Variants in NOTUM observed in about 807,000 individuals in gnomAD.
NOTUM encodes the protein notum, palmitoleoyl-protein carboxylesterase, also known as palmitoleoyl-protein carboxylesterase NOTUM.
NOTUM carries 36 observed loss-of-function variants against 65.5 expected under a neutral mutation model. That is an observed-to-expected ratio of 0.55 (90% CI 0.42 to 0.73). The LOEUF is 0.73. NOTUM is among the 30% of genes least tolerant of loss of function. The pLI is 0.00. For missense variants in NOTUM, 659 were observed against 694.2 expected (o/e 0.95, Z 0.57); for synonymous variants, 356 against 297.9 (o/e 1.20, Z -2.01).
At chr17:81,955,349 TAAG>T in intron 9 of NOTUM, 45 bp downstream of exon 9, 1 of 1,467,044 alleles carries the variant, frequency 6.8e-7, no homozygotes, top group Non-Finnish European at 9.2e-7. Context: ...TATTTTTAAA[TAAG>T]GAGGGAGCTA....
chr17:81,957,159 CGAGG>C, intron 6 of NOTUM, 85 bp from the exon 7 acceptor site: 6 of 1,176,710 alleles, frequency 5.1e-6, no homozygotes, highest in Non-Finnish European at 7.2e-6. Context: ...GCCCGTGCCC[CGAGG>C]GGGGCAGGAG....
chr17:81,959,604 A>ACCCCCGGCCTCCCCCCG, intron 2 of NOTUM, 36 bp downstream of exon 2: 3 of 1,543,178 alleles, frequency 1.9e-6, no homozygotes, highest in Non-Finnish European at 2.6e-6. Flanking sequence ...GCGCGCACAG[A>ACCCCCGGCCTCCCCCCG]CCCCCGGCCT....
Position 81,960,999 on chromosome 17 carries a change from T to C in NOTUM, c.-90A>G, listed in dbSNP as rs2041473275. On this transcript the variant is annotated 5_prime_UTR_variant, in exon 1 of 11. Coordinates refer to ENST00000409678, the MANE Select transcript of NOTUM (RefSeq NM_178493.6). The surrounding 1 kb of genome is among the most constrained non-coding windows in gnomAD (Gnocchi z 6.4). ...GGCCGGGGGTGCCGGGCCGGGGGTGTCGGGGGCACTGGCCGCTCCTGCTCC... is the reference window on the plus strand; with the variant it reads ...GGCCGGGGGTGCCGGGCCGGGGGTGCCGGGGGCACTGGCCGCTCCTGCTCC... 1.3e-5 allele frequency: 8 copies of C among 600,582 alleles called. No individual in the cohort carries two copies. The highest frequency in any genetic ancestry group is 1.6e-5 in the Non-Finnish European group (7 of 444,980). The allele number at this position is 600,582 out of a possible 1,614,324, so 37.2% of individuals were successfully genotyped here.
chr17:81,960,424 C>T lies in NOTUM; in HGVS notation c.323+163G>A, dbSNP rs1405531528. On this transcript the variant is annotated intron_variant, in intron 1 of 10. Coordinates refer to ENST00000409678, the MANE Select transcript of NOTUM (RefSeq NM_178493.6). The surrounding 1 kb of genome is among the most constrained non-coding windows in gnomAD (Gnocchi z 6.4). ...CCTTCCAGCGCCGCTCCGCTCCCCACGCGGAGAGTCACCGAACCGGGCACT... is the reference window on the plus strand; with the variant it reads ...CCTTCCAGCGCCGCTCCGCTCCCCATGCGGAGAGTCACCGAACCGGGCACT... 6.6e-6 allele frequency among the ~76,000 whole-genome samples: 1 copy of T among 152,202 alleles called. No homozygotes were observed. The highest frequency in any genetic ancestry group is 6.5e-5 in the Admixed American group (1 of 15,288).
intron 6 of NOTUM, among the ~76,000 whole-genome samples, chr17:81,957,479 G>C (rs958085454): frequency 6.6e-6 from 1 of 152,114 alleles, no homozygotes; most frequent in Non-Finnish European, 1.5e-5. Flanking sequence ...CCGGGCCCTG[G>C]AGAAGGAGCA....
At position 81,952,843 on chromosome 17, in the gene NOTUM, G is replaced by C. The variant is rs572292020; in HGVS notation, c.*118C>G. 1 of 889,246 alleles carries C rather than the reference G, an allele frequency of 1.1e-6. No homozygotes were observed. Among genetic ancestry groups the C allele is most frequent in the African/African-American group, 1.6e-5 (1 of 60,788 alleles). The allele number at this position is 889,246 out of a possible 1,614,324, so 55.1% of individuals were successfully genotyped here. On this transcript the variant is annotated 3_prime_UTR_variant, in exon 11 of 11. Transcript: ENST00000409678. ...GGGCAGTGGGCAGACCCAGACAGGGGGGACGGCTGGGGCCCTGTCCCGAAG... is the reference window on the plus strand; with the variant it reads ...GGGCAGTGGGCAGACCCAGACAGGGCGGACGGCTGGGGCCCTGTCCCGAAG...
intron 4 of NOTUM, 140 bp downstream of exon 4, chr17:81,958,795 G>C: frequency 3.0e-6 from 2 of 675,356 alleles, no homozygotes; most frequent in Non-Finnish European, 5.3e-6. Flanking sequence ...ACCCCTCTAG[G>C]ACAGGACCTC....
chr17:81,958,482 A>G, intron 4 of NOTUM, 89 bp from the exon 5 acceptor site: 1 of 860,656 alleles, frequency 1.2e-6, no homozygotes, highest in Non-Finnish European at 2.0e-6. Flanking sequence ...CTCAGAAAAG[A>G]CCATCCCAGG....
chr17:81,955,832 T>C (rs1229798065), intron 8 of NOTUM, among the ~76,000 whole-genome samples: 15 of 32,712 alleles, frequency 4.6e-4, no homozygotes, highest in East Asian at 1.6e-3. Context: ...GTGCCCCCCA[T>C]CCCAGGCTCA....
rs573367274 is a variant in NOTUM, at chr17:81,960,032, G to T, written c.324-340C>A. Among the ~76,000 whole-genome samples the T allele has an allele frequency of 6.6e-6, 1 of 152,088 alleles. No individual in the cohort carries two copies. Among genetic ancestry groups the T allele is most frequent in the African/African-American group, 2.4e-5 (1 of 41,526 alleles). The stretch of plus-strand genomic sequence containing the variant: ...AAACGCGTCCGCACTGAAGGAGCGC[G>T]CTTGGCGGGGGAACGGGACGCCGCG... On this transcript the variant is annotated intron_variant, in intron 1 of 10. Coordinates refer to ENST00000409678, the MANE Select transcript of NOTUM (RefSeq NM_178493.6). The surrounding 1 kb of genome is among the most constrained non-coding windows in gnomAD (Gnocchi z 6.4).
At position 81,958,975 on chromosome 17, in the gene NOTUM, G is replaced by C. The variant is rs1461875606; in HGVS notation, c.493C>G (p.Gln165Glu). The C allele has an allele frequency of 1.2e-6, 2 of 1,613,092 alleles. No homozygotes were observed. The highest frequency in any genetic ancestry group is 3.3e-5 in the Admixed American group (2 of 60,024). The change falls in exon 4 of 11, where the codon CAG becomes GAG. Residue 165 changes from glutamine to glutamate, a missense_variant. Transcript: ENST00000409678. ...CACCAGTAGGGGTTCTCCTCCGGCT[G>C]TGAGGACAGGATCCCTGTGCCTGGG... ...TRTGTGILSSQPEENPYWWNA... is the reference protein window; with the variant it reads ...TRTGTGILSSEPEENPYWWNA...
In NOTUM at chr17:81,960,390, G is replaced by A. The variant is rs1307838126; in HGVS notation, c.323+197C>T. 6.6e-6 allele frequency among the ~76,000 whole-genome samples: 1 copy of A among 152,198 alleles called. No individual in the cohort carries two copies. The highest frequency in any genetic ancestry group is 2.4e-5 in the African/African-American group (1 of 41,466). On this transcript the variant is annotated intron_variant, in intron 1 of 10. Coordinates refer to ENST00000409678, the MANE Select transcript of NOTUM (RefSeq NM_178493.6). This position sits in a 1 kb window ranked among gnomAD's most constrained non-coding sequence, Gnocchi z 6.4. ...GAGGGGTCAGTGCCCGAGCTGGCCG[G>A]GGACCAGCCCTTCCAGCGCCGCTCC... is the stretch of plus-strand genomic sequence containing the variant.
Position 81,960,808 on chromosome 17 carries a change from A to C in NOTUM, c.102T>G (p.Pro34=), listed in dbSNP as rs770019854. 4.2e-5 allele frequency: 64 copies of C among 1,540,554 alleles called. No homozygotes were observed. The highest frequency in any genetic ancestry group is 5.3e-5 in the Non-Finnish European group (61 of 1,144,970). Residue 34 remains proline, a synonymous_variant, in exon 1 of 11, where the codon CCT becomes CCG. Coordinates refer to ENST00000409678, the MANE Select transcript of NOTUM (RefSeq NM_178493.6). This position sits in a 1 kb window ranked among gnomAD's most constrained non-coding sequence, Gnocchi z 6.4. Reference sequence around the variant, plus strand: ...GCGCCGCCTCGGTCCGCGGGGGAGGAGGCGGCTGCTGACCCCGGCGCCGCC... The same window carrying C: ...GCGCCGCCTCGGTCCGCGGGGGAGGCGGCGGCTGCTGACCCCGGCGCCGCC... ...KTWRRRGQQP[P]PPPRTEAAPA...
Position 81,954,236 on chromosome 17 carries a change from C to A in NOTUM, c.1184+20G>T. The A allele has an allele frequency of 6.3e-7, 1 of 1,592,270 alleles. No homozygotes were observed. Among genetic ancestry groups the A allele is most frequent in the Non-Finnish European group, 8.6e-7 (1 of 1,160,110 alleles). On this transcript the variant is annotated intron_variant, in intron 10 of 10. Coordinates refer to ENST00000409678, the MANE Select transcript of NOTUM (RefSeq NM_178493.6). ...AAGTTGATGTCATGGACGCAAGCTG[C>A]CCGGAGCAGGGACACTGACCTCCGG... is the stretch of plus-strand genomic sequence containing the variant.
chr17:81,960,016 C>A lies in NOTUM; in HGVS notation c.324-324G>T, dbSNP rs928920138. 2.0e-5 allele frequency among the ~76,000 whole-genome samples: 3 copies of A among 151,956 alleles called. No homozygotes were observed. Among genetic ancestry groups the A allele is most frequent in the Non-Finnish European group, 2.9e-5 (2 of 67,950 alleles). On this transcript the variant is annotated intron_variant, in intron 1 of 10. Coordinates refer to ENST00000409678, the MANE Select transcript of NOTUM (RefSeq NM_178493.6). This position sits in a 1 kb window ranked among gnomAD's most constrained non-coding sequence, Gnocchi z 6.4. The stretch of plus-strand genomic sequence containing the variant: ...CGGCGCTTGAAGCGTGAAACGCGTC[C>A]GCACTGAAGGAGCGCGCTTGGCGGG...
At chr17:81,959,387 G>C in intron 3 of NOTUM, 84 bp downstream of exon 3, 1 of 1,049,296 alleles carries the variant, frequency 9.5e-7, no homozygotes. Context: ...TGCGGGGTGG[G>C]GGCCTGGCTG....
In NOTUM at chr17:81,957,062, G is replaced by C; in HGVS notation, c.708C>G (p.Thr236=). Residue 236 remains threonine, a synonymous_variant, in exon 7 of 11, where the codon ACC becomes ACG. Transcript: ENST00000409678. ...CACGGTCCACATTCAGGAGCACCCC[G>C]GTGCCCCCCGCGCTGCAAGGAGGGC... ...LLLAGSSAGG[T]GVLLNVDRVA... is the part of the protein sequence containing the mutation. 6.2e-7 allele frequency: 1 copy of C among 1,603,082 alleles called. No individual in the cohort carries two copies.
chr17:81,960,207 C>G lies in NOTUM; in HGVS notation c.323+380G>C, dbSNP rs2041464304. On this transcript the variant is annotated intron_variant, in intron 1 of 10. Transcript: ENST00000409678. This position sits in a 1 kb window ranked among gnomAD's most constrained non-coding sequence, Gnocchi z 6.4. ...CGCCGCTCCCCGACCCCCGACCTCACGTCTTTTATCTACTTCGGGGCTGCA... is the reference window on the plus strand; with the variant it reads ...CGCCGCTCCCCGACCCCCGACCTCAGGTCTTTTATCTACTTCGGGGCTGCA... Among the ~76,000 whole-genome samples the G allele has an allele frequency of 6.6e-6, 1 of 152,224 alleles. No homozygotes were observed. The highest frequency in any genetic ancestry group is 1.5e-5 in the Non-Finnish European group (1 of 68,034).
intron 10 of NOTUM, among the ~76,000 whole-genome samples, chr17:81,953,597 G>C (rs1567937249): frequency 6.6e-6 from 1 of 151,842 alleles, no homozygotes; most frequent in Non-Finnish European, 1.5e-5. Flanking sequence ...TCTAGCCTGG[G>C]TTTTTTTGTT....
Sources: gnomAD v4.1 joint callset for allele counts (sites outside exome capture counted in the v4.1 genomes callset) on GRCh38, gnomAD v4.1.1 for gene constraint, Gnocchi (gnomAD v3.1) non-coding constraint, MANE v1.5 for transcripts, NCBI Gene and HGNC (gene_info 2026-07-23, HGNC 2026-07-21) for gene names.